Variants in RBFOX1 observed in about 807,000 individuals in gnomAD.
RBFOX1 encodes the protein RNA binding fox-1 homolog 1.
A neutral mutation model predicts 57.7 loss-of-function variants in RBFOX1; 8 were observed. The observed-to-expected ratio is 0.14, with a 90% CI of 0.08 to 0.25. The LOEUF is 0.25. Ranked by LOEUF, RBFOX1 falls within the 10% of genes least tolerant of loss-of-function variation. RBFOX1 has a pLI of 1.00. For missense variants in RBFOX1, 611 were observed against 548.5 expected (o/e 1.11, Z -1.14); for synonymous variants, 326 against 222.4 (o/e 1.47, Z -4.15).
intron 4 of RBFOX1, among the ~76,000 whole-genome samples, chr16:7,276,576 C>T (rs746607588): frequency 6.6e-6 from 1 of 151,964 alleles, no homozygotes; most frequent in African/African-American, 2.4e-5. Flanking sequence ...ATTTTTCTGC[C>T]TCCTAGGGGA....
exon 3 of RBFOX1, chr16:5,599,520 C>T (rs1178410495): frequency 7.4e-6 from 3 of 404,536 alleles, no homozygotes; most frequent in Non-Finnish European, 8.7e-6. Flanking sequence ...TGAAATCACT[C>T]ATGCACCGCC....
At chr16:6,544,453 G>T (rs550403199) in intron 2 of RBFOX1, among the ~76,000 whole-genome samples, 1 of 152,194 alleles carries the variant, frequency 6.6e-6, no homozygotes, top group East Asian at 1.9e-4. Flanking sequence ...CGGATGTTCT[G>T]GGAGGCACTG....
chr16:5,742,334 T>A (rs1204166689), intron 3 of RBFOX1, among the ~76,000 whole-genome samples: 1 of 83,924 alleles, frequency 1.2e-5, no homozygotes, highest in South Asian at 5.1e-4. Flanking sequence ...CTCCCTTCCT[T>A]CCTCTCCTAA....
At chr16:7,648,804 C>G (rs1307488483) in intron 11 of RBFOX1, among the ~76,000 whole-genome samples, 1 of 152,122 alleles carries the variant, frequency 6.6e-6, no homozygotes, top group East Asian at 1.9e-4. Flanking sequence ...TGATAGTGTG[C>G]TGCCATCGAG....
At chr16:5,745,038 T>C (rs909425589) in intron 3 of RBFOX1, among the ~76,000 whole-genome samples, 4 of 152,198 alleles carry the variant, frequency 2.6e-5, no homozygotes, top group African/African-American at 9.6e-5. Flanking sequence ...TGGTGTGCTG[T>C]ACCCATTAAC....
intron 3 of RBFOX1, among the ~76,000 whole-genome samples, chr16:5,785,804 G>T (rs2054481099): frequency 6.6e-6 from 1 of 152,146 alleles, no homozygotes; most frequent in Non-Finnish European, 1.5e-5. Context: ...TGGGATTATA[G>T]ACATGAGCCT....
intron 13 of RBFOX1, among the ~76,000 whole-genome samples, chr16:7,673,449 G>C (rs2072242441): frequency 6.6e-6 from 1 of 152,164 alleles, no homozygotes; most frequent in Non-Finnish European, 1.5e-5. Context: ...GCTTACACCT[G>C]TAATCCCAGC....
At chr16:6,267,664 G>A (rs1253030953) in intron 1 of RBFOX1, among the ~76,000 whole-genome samples, 3 of 150,898 alleles carry the variant, frequency 2.0e-5, no homozygotes, top group African/African-American at 7.3e-5. Context: ...CAGATACTAG[G>A]AGAGATCTAC....
chr16:7,438,842 G>A (rs1340837595), intron 4 of RBFOX1, among the ~76,000 whole-genome samples: 1 of 152,132 alleles, frequency 6.6e-6, no homozygotes, highest in Non-Finnish European at 1.5e-5. Flanking sequence ...ACGCCAAGCA[G>A]CTTGTCAAAG....
chr16:6,700,410 C>T (rs1259894813), intron 3 of RBFOX1, among the ~76,000 whole-genome samples: 1 of 151,906 alleles, frequency 6.6e-6, no homozygotes, highest in Non-Finnish European at 1.5e-5. Flanking sequence ...GTAATCTCAG[C>T]ACTTTGGGAG....
chr16:7,587,973 G>A (rs1288964064), intron 7 of RBFOX1, among the ~76,000 whole-genome samples: 1 of 152,166 alleles, frequency 6.6e-6, no homozygotes, highest in Non-Finnish European at 1.5e-5. Flanking sequence ...GAGGTCAGGA[G>A]CTCAAGAGCA....
chr16:7,511,373 C>T (rs892205996), intron 4 of RBFOX1, among the ~76,000 whole-genome samples: 2 of 152,154 alleles, frequency 1.3e-5, no homozygotes, highest in African/African-American at 4.8e-5. Context: ...ACAACGACAA[C>T]AACAAAACTC....
At chr16:7,330,510 T>TGTGTGTG (rs1568240374) in intron 4 of RBFOX1, among the ~76,000 whole-genome samples, 27 of 57,172 alleles carry the variant, frequency 4.7e-4, no homozygotes, top group African/African-American at 1.7e-3. Context: ...GTGTGTGTGT[T>TGTGTGTG]TGTGTGTGTG....
chr16:5,782,382 ACT>A (rs1348365047), intron 3 of RBFOX1, among the ~76,000 whole-genome samples: 1 of 152,052 alleles, frequency 6.6e-6, no homozygotes, highest in East Asian at 1.9e-4. Flanking sequence ...AAAGGAGTAC[ACT>A]CTCTCAGTCA....
intron 14 of RBFOX1, among the ~76,000 whole-genome samples, chr16:7,704,314 TTTTCCCTGAAGGC>T (rs2081719429): frequency 6.6e-6 from 1 of 152,202 alleles, no homozygotes; most frequent in African/African-American, 2.4e-5. Context: ...TTTGTTTAGT[TTTTCCCTGAAGGC>T]TTTTGATGAG....
chr16:6,151,771 T>A (rs972617271), intron 1 of RBFOX1, among the ~76,000 whole-genome samples: 1 of 152,212 alleles, frequency 6.6e-6, no homozygotes, highest in Non-Finnish European at 1.5e-5. Flanking sequence ...AGAATACATT[T>A]ATGTTTTAGG....
chr16:6,736,718 C>T (rs549701860), intron 3 of RBFOX1, among the ~76,000 whole-genome samples: 1 of 152,100 alleles, frequency 6.6e-6, no homozygotes, highest in African/African-American at 2.4e-5. Context: ...ACTTTTAGTT[C>T]CTTAATGAAT....
At chr16:5,620,839 C>G (rs146367001) in intron 3 of RBFOX1, among the ~76,000 whole-genome samples, 1 of 151,954 alleles carries the variant, frequency 6.6e-6, no homozygotes, top group African/African-American at 2.4e-5. Flanking sequence ...CCACTACACT[C>G]AATTTTTATT....
chr16:7,607,205 A>G, intron 9 of RBFOX1, 80 bp from the exon 10 acceptor site: 2 of 1,333,652 alleles, frequency 1.5e-6, no homozygotes, highest in South Asian at 2.6e-5. Flanking sequence ...ACTTTAACCC[A>G]TTTGATTTGT....
Sources: allele counts gnomAD v4.1 joint callset (sites outside exome capture counted in the v4.1 genomes callset), GRCh38; gene constraint gnomAD v4.1.1; transcripts MANE v1.5; gene names NCBI Gene and HGNC (gene_info 2026-07-23, HGNC 2026-07-21).